Variants in CPXM1 observed in about 807,000 individuals in gnomAD.
The protein encoded by CPXM1 is probable carboxypeptidase X1.
Under a neutral mutation model 80.4 loss-of-function variants are expected in CPXM1, and 72 were observed. That is an observed-to-expected ratio of 0.90 (90% CI 0.74 to 1.09). The LOEUF is 1.09. Among genes scored for constraint, CPXM1 ranks in the 50% least tolerant of loss-of-function variants. The pLI is 0.00. For synonymous variants in CPXM1, 403 were observed against 405.6 expected (o/e 0.99, Z 0.08); for missense variants, 892 against 999.4 (o/e 0.89, Z 1.45).
chr20:2,795,965 G>A lies in CPXM1; in HGVS notation c.1422+17C>T, dbSNP rs376373857. On this transcript the variant is annotated intron_variant, in intron 10 of 13. Coordinates refer to ENST00000380605, the MANE Select transcript of CPXM1 (RefSeq NM_019609.5). The surrounding 1 kb of genome is among the most constrained non-coding windows in gnomAD (Gnocchi z 5.4). ...CCGCCCCCCACAGACCTCCACTGCC[G>A]CCCTCAAAATACTCACGGTGGCATT... 1.1e-5 allele frequency: 18 copies of A among 1,600,356 alleles called. No homozygotes were observed. Among genetic ancestry groups the A allele is most frequent in the South Asian group, 2.2e-5 (2 of 89,084 alleles).
chr20:2,799,596 C>G (rs987279941), intron 1 of CPXM1, among the ~76,000 whole-genome samples: 4 of 152,146 alleles, frequency 2.6e-5, no homozygotes, highest in African/African-American at 9.7e-5. Context: ...CCGCTTCCTT[C>G]TTGGCAGCCC....
Position 2,794,767 on chromosome 20 carries a change from C to T in CPXM1, c.1861-128G>A. On this transcript the variant is annotated intron_variant, in intron 12 of 13. Transcript: ENST00000380605. This position sits in a 1 kb window ranked among gnomAD's most constrained non-coding sequence, Gnocchi z 5.2. ...AGGTCTACTGTGTTCCTAGGTGACA[C>T]TACTTCTGGAAGAAAAAAAAAAAAG... The T allele has an allele frequency of 1.6e-6, 1 of 636,928 alleles. No individual in the cohort carries two copies. Among genetic ancestry groups the T allele is most frequent in the Non-Finnish European group, 2.7e-6 (1 of 365,218 alleles). 39.5% of individuals were successfully genotyped at this position (636,928 alleles called of 1,614,324 possible). A position where few individuals can be genotyped will look rare whatever the true frequency, so the allele number is the denominator to read the frequency against.
chr20:2,796,908 C>G lies in CPXM1; in HGVS notation c.921+98G>C. 2 of 1,177,682 alleles carry G rather than the reference C, an allele frequency of 1.7e-6. No homozygotes were observed. The highest frequency in any genetic ancestry group is 2.4e-5 in the East Asian group (1 of 41,254). The allele number at this position is 1,177,682 out of a possible 1,614,324, so 73.0% of individuals were successfully genotyped here. ...GACATCAGGAGGCAGCAGGGGCATA[C>G]AAGCGCAGTCACAGCAGGTTGTGCC... On this transcript the variant is annotated intron_variant, in intron 7 of 13. Transcript: ENST00000380605. This position sits in a 1 kb window ranked among gnomAD's most constrained non-coding sequence, Gnocchi z 6.8.
intron 1 of CPXM1, among the ~76,000 whole-genome samples, chr20:2,799,351 A>G (rs1168374567): frequency 2.6e-5 from 4 of 152,134 alleles, no homozygotes; most frequent in Non-Finnish European, 5.9e-5. Context: ...ACTCAGCATC[A>G]TGCCCCAAAA....
rs1046457388 is a variant in CPXM1, at chr20:2,795,236, G to C, written c.1860+41C>G. The stretch of plus-strand genomic sequence containing the variant: ...GAGCTGTAGCCTAAATGGACAGCAG[G>C]AGTGATTCAGGCAGGCTGGGGGCCG... On this transcript the variant is annotated intron_variant, in intron 12 of 13. Transcript: ENST00000380605. This position sits in a 1 kb window ranked among gnomAD's most constrained non-coding sequence, Gnocchi z 5.4. 1.2e-6 allele frequency: 2 copies of C among 1,602,930 alleles called. No individual in the cohort carries two copies. Among genetic ancestry groups the C allele is most frequent in the South Asian group, 2.2e-5 (2 of 89,428 alleles).
rs776365100 is a variant in CPXM1 at position 2,796,214 on chromosome 20, A to G, written c.1242+33T>C. 1 of 1,610,460 alleles carries G rather than the reference A, an allele frequency of 6.2e-7. No homozygotes were observed. The highest frequency in any genetic ancestry group is 1.3e-5 in the African/African-American group (1 of 74,898). On this transcript the variant is annotated intron_variant, in intron 9 of 13. Transcript: ENST00000380605. This position sits in a 1 kb window ranked among gnomAD's most constrained non-coding sequence, Gnocchi z 6.8. Reference sequence around the variant, plus strand: ...GAGCAGGTCCAGCCACCAGGGCAGAAGGACAGAGTGGCCCTCATGCTGGGT... The same window carrying G: ...GAGCAGGTCCAGCCACCAGGGCAGAGGGACAGAGTGGCCCTCATGCTGGGT...
intron 1 of CPXM1, 22 bp downstream of exon 1, chr20:2,800,379 G>A (rs2088557674): frequency 2.0e-6 from 3 of 1,500,188 alleles, no homozygotes; most frequent in South Asian, 2.6e-5. Context: ...CGGGGGAGCG[G>A]ACCGTCGGTC....
chr20:2,795,622 GC>G lies in CPXM1; in HGVS notation c.1696del (p.Ala566LeufsTer10). ...FSVHGNIING[A>X]DWHTVPGSMN... Reference sequence around the variant, plus strand: ...ACTCCCGGGGACCGTGTGCCAGTCAGCCCCGTTGATGATGTTGCCGTGCACG... The same window carrying G: ...ACTCCCGGGGACCGTGTGCCAGTCAGCCCGTTGATGATGTTGCCGTGCACG... On this transcript the variant is annotated frameshift_variant, in exon 11 of 14. Transcript: ENST00000380605. LOFTEE classifies it high-confidence loss of function. This position sits in a 1 kb window ranked among gnomAD's most constrained non-coding sequence, Gnocchi z 5.4. 6.2e-7 allele frequency: 1 copy of G among 1,613,874 alleles called. No individual in the cohort carries two copies. The highest frequency in any genetic ancestry group is 8.5e-7 in the Non-Finnish European group (1 of 1,179,832).
chr20:2,800,188 C>A (rs76013335), intron 1 of CPXM1, among the ~76,000 whole-genome samples: 2 of 149,256 alleles, frequency 1.3e-5, no homozygotes, highest in African/African-American at 4.9e-5. Context: ...TGAATGCGCG[C>A]GCGTGTGAGT....
chr20:2,798,748 G>C lies in CPXM1; in HGVS notation c.318C>G (p.Asp106Glu). 1 of 1,613,074 alleles carries C rather than the reference G, an allele frequency of 6.2e-7. No homozygotes were observed. Among genetic ancestry groups the C allele is most frequent in the Non-Finnish European group, 8.5e-7 (1 of 1,179,702 alleles). Residue 106 changes from aspartate to glutamate, a missense_variant, in exon 2 of 14, where the codon GAC (aspartate) becomes GAG (glutamate). By Grantham distance (45) the Asp-to-Glu change is conservative. Transcript: ENST00000380605. ...TACCTGTTTCTTGTTTCTCAGCGGG[G>C]TCGAGGGTCCCTGCTGGAGTGGGGG... ...LVTPTPAGTL[D>E]PAEKQETGCP...
chr20:2,794,209 A>G lies in CPXM1; in HGVS notation c.2186T>C (p.Leu729Pro), dbSNP rs764149429. The change falls in exon 14 of 14, where the codon CTA (leucine) becomes CCA (proline). Residue 729 changes from leucine (L) to proline (P), a missense_variant. Leu to Pro is a moderately conservative substitution (Grantham distance 98, BLOSUM62 -3). Coordinates refer to ENST00000380605, the MANE Select transcript of CPXM1 (RefSeq NM_019609.5). This position sits in a 1 kb window ranked among gnomAD's most constrained non-coding sequence, Gnocchi z 5.2. ...PPDLRRRLER[L>P]RGQKD ...CAGGTATCAATCCTTCTGTCCCCTT[A>G]GCCGCTCCAGGCGCCTGCGAAGGTC... 5.0e-6 allele frequency: 8 copies of G among 1,612,834 alleles called. No individual in the cohort carries two copies. In the South Asian group the frequency reaches 6.6e-5, roughly 13 times the overall value.
At position 2,796,330 on chromosome 20, in the gene CPXM1, GT is replaced by G. The variant is rs774670483; in HGVS notation, c.1158del (p.Arg387GlyfsTer2). ...ATCTCAGAGAGCAGCCGGGTCACCCGTGGGTTCCCTCGCAGGAACTCATGGC... is the reference window on the plus strand; with the variant it reads ...ATCTCAGAGAGCAGCCGGGTCACCCGGGGTTCCCTCGCAGGAACTCATGGC... ...FLCHEFLRGN[P>X]RVTRLLSEMR... On this transcript the variant is annotated frameshift_variant, in exon 9 of 14. Transcript: ENST00000380605. LOFTEE classifies it high-confidence loss of function. The surrounding 1 kb of genome is among the most constrained non-coding windows in gnomAD (Gnocchi z 6.8). 9 of 1,614,008 alleles carry G rather than the reference GT, an allele frequency of 5.6e-6. No homozygotes were observed. The South Asian group carries it at 9.9e-5, about 18-fold the overall frequency.
chr20:2,796,177 C>G lies in CPXM1; in HGVS notation c.1243-16G>C, dbSNP rs769045162. 3.9e-5 allele frequency: 62 copies of G among 1,608,148 alleles called. No individual in the cohort carries two copies. Among genetic ancestry groups the G allele is most frequent in the Non-Finnish European group, 4.8e-5 (57 of 1,176,760 alleles). ...GCTCTGAACCCTGCCGGGCAAGAGGCTTGTTCAAGTCGAGCAGGTCCAGCC... is the reference window on the plus strand; with the variant it reads ...GCTCTGAACCCTGCCGGGCAAGAGGGTTGTTCAAGTCGAGCAGGTCCAGCC... On this transcript the variant is annotated splice_polypyrimidine_tract_variant and intron_variant, in intron 9 of 13. Coordinates refer to ENST00000380605, the MANE Select transcript of CPXM1 (RefSeq NM_019609.5). The surrounding 1 kb of genome is among the most constrained non-coding windows in gnomAD (Gnocchi z 6.8).
Position 2,796,392 on chromosome 20 carries a change from C to A in CPXM1, c.1097G>T (p.Gly366Val). The stretch of plus-strand genomic sequence containing the variant: ...CATCAGGAGCAGAAGCAACTCCCGC[C>A]CCAGGGCCTCGTTCCCATGCATGCC... ...VAGMHGNEAL[G>V]RELLLLLMQF... The change falls in exon 9 of 14, where the codon GGG becomes GTG. Residue 366 changes from glycine (G) to valine (V), a missense_variant. Transcript: ENST00000380605. This position sits in a 1 kb window ranked among gnomAD's most constrained non-coding sequence, Gnocchi z 6.8. 2 of 1,614,140 alleles carry A rather than the reference C, an allele frequency of 1.2e-6. No individual in the cohort carries two copies. Among genetic ancestry groups the A allele is most frequent in the South Asian group, 1.1e-5 (1 of 91,092 alleles).
chr20:2,798,866 C>T lies in CPXM1; in HGVS notation c.200G>A (p.Arg67Gln), dbSNP rs899329425. Residue 67 changes from arginine (R) to glutamine (Q), a missense_variant, in exon 2 of 14, where the codon CGA becomes CAA. By Grantham distance (43) the Arg-to-Gln change is conservative (BLOSUM62 1). Around this residue, in one of 2 missense-constraint regions of CPXM1, gnomAD observed 874 missense variants for 958.4 expected, o/e 0.91. Coordinates refer to ENST00000380605, the MANE Select transcript of CPXM1 (RefSeq NM_019609.5). ...NGTSEQHVRI[R>Q]VIKKKKVIMK... Reference sequence around the variant, plus strand: ...AATGACCTTTTTCTTCTTGATGACTCGAATCCGGACATGCTGTTCTGAGGT... The same window carrying T: ...AATGACCTTTTTCTTCTTGATGACTTGAATCCGGACATGCTGTTCTGAGGT... The T allele has an allele frequency of 1.9e-5, 30 of 1,613,944 alleles. No individual in the cohort carries two copies. Among genetic ancestry groups the T allele is most frequent in the Non-Finnish European group, 2.2e-5 (26 of 1,179,970 alleles).
At position 2,794,488 on chromosome 20, in the gene CPXM1, G is replaced by C. The variant is rs971254351; in HGVS notation, c.1963+49C>G. On this transcript the variant is annotated intron_variant, in intron 13 of 13. Coordinates refer to ENST00000380605, the MANE Select transcript of CPXM1 (RefSeq NM_019609.5). The surrounding 1 kb of genome is among the most constrained non-coding windows in gnomAD (Gnocchi z 5.2). ...AATTAATGATCTTCTGCTTCTTCCC[G>C]AGCCTCCAGCCCTCCAGCCCCTTCC... The C allele has an allele frequency of 6.2e-7, 1 of 1,613,256 alleles. No homozygotes were observed. Among genetic ancestry groups the C allele is most frequent in the Non-Finnish European group, 8.5e-7 (1 of 1,179,582 alleles).
intron 1 of CPXM1, 108 bp downstream of exon 1, chr20:2,800,291 AGT>A (rs2088556703): frequency 1.0e-6 from 1 of 979,158 alleles, no homozygotes; most frequent in Non-Finnish European, 1.4e-6. Flanking sequence ...CATGACTGTG[AGT>A]GTGCGTGGGT....
At chr20:2,800,249 G>C in intron 1 of CPXM1, 152 bp downstream of exon 1, 2 of 690,540 alleles carry the variant, frequency 2.9e-6, no homozygotes. Context: ...GTGTGTGCGC[G>C]TGAGTGCGAG....
chr20:2,795,888 A>C lies in CPXM1; in HGVS notation c.1431T>G (p.Pro477=). 6.2e-7 allele frequency: 1 copy of C among 1,609,664 alleles called. No homozygotes were observed. The highest frequency in any genetic ancestry group is 1.3e-5 in the African/African-American group (1 of 74,954). The change falls in exon 11 of 14, where the codon CCT becomes CCG. Residue 477 remains proline (P), a synonymous_variant. Transcript: ENST00000380605. This position sits in a 1 kb window ranked among gnomAD's most constrained non-coding sequence, Gnocchi z 5.4. ...TCCACTTGATTACTGCCCGCGTTTCAGGAGCCACCTGGATGGGGCAGGTCA... is the reference window on the plus strand; with the variant it reads ...TCCACTTGATTACTGCCCGCGTTTCCGGAGCCACCTGGATGGGGCAGGTCA... The part of the protein sequence containing the change: ...YYTLPNATVA[P]ETRAVIKWMK...
Sources: gnomAD v4.1 joint callset for allele counts (sites outside exome capture counted in the v4.1 genomes callset) on GRCh38, gnomAD v4.1.1 for gene constraint, gnomAD v4.1.1 regional missense constraint, Gnocchi (gnomAD v3.1) non-coding constraint, MANE v1.5 for transcripts, NCBI Gene and HGNC (gene_info 2026-07-23, HGNC 2026-07-21) for gene names.